TBC1D22A: variants seen among roughly 807,000 people sequenced by gnomAD.
The protein encoded by TBC1D22A is putative GTPase activator.
Under a neutral mutation model 60.2 loss-of-function variants are expected in TBC1D22A, and 38 were observed. The observed-to-expected ratio is 0.63, with a 90% CI of 0.49 to 0.83. TBC1D22A has a LOEUF of 0.83. Among genes scored for constraint, TBC1D22A ranks in the 40% least tolerant of loss-of-function variants. TBC1D22A has a pLI of 0.00. For synonymous variants in TBC1D22A, 302 were observed against 281.7 expected (o/e 1.07, Z -0.72); for missense variants, 628 against 701.0 (o/e 0.90, Z 1.18).
rs1332162110 is a variant in TBC1D22A at position 46,772,068 on chromosome 22, T to C, written c.62+9220T>C. Reference sequence around the variant, plus strand: ...ATATATACATATACATATATATGTATACACACATATACATATATATGTATA... The same window carrying C: ...ATATATACATATACATATATATGTACACACACATATACATATATATGTATA... On this transcript the variant is annotated intron_variant, in intron 1 of 12. Coordinates refer to ENST00000337137, the MANE Select transcript of TBC1D22A (RefSeq NM_014346.5). Among the ~76,000 whole-genome samples, 12 of 147,256 alleles carry C rather than the reference T, an allele frequency of 8.1e-5. 1 individual carries two copies. Among genetic ancestry groups the C allele is most frequent in the African/African-American group, 3.0e-4 (12 of 39,758 alleles).
chr22:46,794,718 G>A (rs1459436689), intron 3 of TBC1D22A, among the ~76,000 whole-genome samples: 1 of 152,180 alleles, frequency 6.6e-6, no homozygotes, highest in East Asian at 1.9e-4. Context: ...CAGAGAATGG[G>A]GTGGGAACGC....
At chr22:46,938,883 G>T (rs2071820702) in intron 8 of TBC1D22A, among the ~76,000 whole-genome samples, 1 of 152,046 alleles carries the variant, frequency 6.6e-6, no homozygotes, top group Admixed American at 6.6e-5. Flanking sequence ...ACCACAGCTG[G>T]CCAGTTATTT....
intron 10 of TBC1D22A, among the ~76,000 whole-genome samples, chr22:47,032,364 T>C (rs1277931284): frequency 1.3e-5 from 2 of 152,196 alleles, no homozygotes; most frequent in African/African-American, 2.4e-5. Flanking sequence ...AGTCACAGTC[T>C]AGAGGATAAG....
At chr22:47,148,645 GGTTCCTCTCCTGGGGTCC>G (rs1441393982) in intron 12 of TBC1D22A, among the ~76,000 whole-genome samples, 2 of 142,534 alleles carry the variant, frequency 1.4e-5, no homozygotes, top group African/African-American at 2.8e-5. Flanking sequence ...CCCTCCCCTG[GGTTCCTCTCCTGGGGTCC>G]GTTCCTCTCC....
At chr22:46,881,741 G>C (rs1057108909) in intron 5 of TBC1D22A, among the ~76,000 whole-genome samples, 7 of 152,166 alleles carry the variant, frequency 4.6e-5, no homozygotes, top group Non-Finnish European at 8.8e-5. Context: ...GGAGTAAGAG[G>C]ACTCTGGCAG....
At chr22:46,902,302 T>C (rs1356426389) in intron 7 of TBC1D22A, among the ~76,000 whole-genome samples, 1 of 152,270 alleles carries the variant, frequency 6.6e-6, no homozygotes, top group East Asian at 1.9e-4. Flanking sequence ...GTAGCAACCA[T>C]TTTTATTATT....
intron 9 of TBC1D22A, among the ~76,000 whole-genome samples, chr22:46,977,081 A>G (rs946348234): frequency 1.2e-4 from 18 of 152,228 alleles, no homozygotes; most frequent in African/African-American, 4.3e-4. Context: ...GCTGAGACTA[A>G]GAGAGATGAA....
At chr22:47,139,580 A>T (rs573801020) in intron 12 of TBC1D22A, among the ~76,000 whole-genome samples, 1 of 152,288 alleles carries the variant, frequency 6.6e-6, no homozygotes, top group South Asian at 2.1e-4. Context: ...TGTTCTCATG[A>T]GAGGCTGCTG....
chr22:47,161,226 T>A (rs1028718141), intron 12 of TBC1D22A, among the ~76,000 whole-genome samples: 7 of 151,038 alleles, frequency 4.6e-5, no homozygotes, highest in African/African-American at 1.5e-4. Context: ...AAAAAAAAAA[T>A]GGAAAACAGA....
intron 12 of TBC1D22A, among the ~76,000 whole-genome samples, chr22:47,130,609 G>A (rs2066646064): frequency 6.6e-6 from 1 of 152,212 alleles, no homozygotes; most frequent in African/African-American, 2.4e-5. Context: ...CTCTAGGCCT[G>A]TGTTTGCACC....
intron 11 of TBC1D22A, among the ~76,000 whole-genome samples, chr22:47,079,084 CTTTT>C (rs35269996): frequency 8.0e-6 from 1 of 124,956 alleles, no homozygotes. Context: ...GTAGAGCAGA[CTTTT>C]TTTTTTTTTT....
intron 11 of TBC1D22A, among the ~76,000 whole-genome samples, chr22:47,105,227 T>C (rs2065589188): frequency 6.6e-6 from 1 of 151,776 alleles, no homozygotes; most frequent in South Asian, 2.1e-4. Flanking sequence ...ATTCTTGAAA[T>C]GAGTGGATTT....
chr22:46,894,014 G>A (rs1195377881), intron 6 of TBC1D22A, among the ~76,000 whole-genome samples: 1 of 152,260 alleles, frequency 6.6e-6, no homozygotes, highest in Non-Finnish European at 1.5e-5. Flanking sequence ...CCTCTGTGGA[G>A]ATGTGCAAGG....
chr22:47,091,496 G>A (rs186439328), intron 11 of TBC1D22A, among the ~76,000 whole-genome samples: 100 of 145,986 alleles, frequency 6.8e-4, no homozygotes, highest in African/African-American at 2.4e-3. Flanking sequence ...GCCTCGTGGA[G>A]GGGGTGGCTG....
chr22:47,121,059 A>G lies in TBC1D22A; in HGVS notation c.1425+9456A>G, dbSNP rs144946198. Among the ~76,000 whole-genome samples the G allele has an allele frequency of 5.9e-5, 9 of 152,376 alleles. No homozygotes were observed. The East Asian group carries it at 1.7e-3, about 29-fold the overall frequency. ...AGAACTCACACAAATAACTAATAAAAAGAAAATGTCCTCATAGAAAATGGA... is the reference window on the plus strand; with the variant it reads ...AGAACTCACACAAATAACTAATAAAGAGAAAATGTCCTCATAGAAAATGGA... On this transcript the variant is annotated intron_variant, in intron 12 of 12. Transcript: ENST00000337137.
chr22:46,815,348 CTTAA>C (rs1257125565), intron 4 of TBC1D22A, among the ~76,000 whole-genome samples: 1 of 152,186 alleles, frequency 6.6e-6, no homozygotes, highest in Non-Finnish European at 1.5e-5. Flanking sequence ...CCGCTGTTGA[CTTAA>C]TTACTCTTTG....
chr22:46,871,881 A>G (rs2067308517), intron 4 of TBC1D22A, among the ~76,000 whole-genome samples: 2 of 152,216 alleles, frequency 1.3e-5, no homozygotes, highest in South Asian at 4.1e-4. Context: ...ACTAAAATAT[A>G]AAGTTTTTTT....
At chr22:46,943,797 A>G (rs1293087710) in intron 8 of TBC1D22A, among the ~76,000 whole-genome samples, 2 of 152,230 alleles carry the variant, frequency 1.3e-5, no homozygotes, top group Admixed American at 1.3e-4. Context: ...ATATGTTCAC[A>G]GCATCCTACG....
chr22:46,958,473 T>G (rs1255576578), intron 8 of TBC1D22A, among the ~76,000 whole-genome samples: 1 of 152,174 alleles, frequency 6.6e-6, no homozygotes, highest in Non-Finnish European at 1.5e-5. Flanking sequence ...GCCGCCACCT[T>G]GTCCACCTGG....
Sources: allele counts gnomAD v4.1 joint callset (sites outside exome capture counted in the v4.1 genomes callset), GRCh38; gene constraint gnomAD v4.1.1; transcripts MANE v1.5; gene names NCBI Gene and HGNC (gene_info 2026-07-23, HGNC 2026-07-21).